TLR5: variants seen among roughly 807,000 people sequenced by gnomAD.
TLR5 encodes the protein toll-like receptor 5.
For missense variants in TLR5, 944 were observed against 999.8 expected (o/e 0.94, Z 0.75); for synonymous variants, 373 against 384.4 (o/e 0.97, Z 0.35).
At position 223,112,485 on chromosome 1, in the gene TLR5, A is replaced by G. The variant is rs781262989; in HGVS notation, c.547T>C (p.Phe183Leu). 5 of 1,614,278 alleles carry G rather than the reference A, an allele frequency of 3.1e-6. No homozygotes were observed. In the South Asian group the frequency reaches 5.5e-5, roughly 18 times the overall value. Residue 183 changes from phenylalanine to leucine, a missense_variant, in exon 6 of 6, where the codon TTC becomes CTC. Physicochemically the swap from Phe to Leu is conservative, Grantham distance 22. Coordinates refer to ENST00000642603, the MANE Select transcript of TLR5 (RefSeq NM_003268.6). ...TCGAGCTCATGTTCACATACAAGGA[A>G]TATTTGGTTGGAGGAAAAATCTATG... Reference protein sequence around the residue: ...KSIDFSSNQIFLVCEHELEPL... With the variant: ...KSIDFSSNQILLVCEHELEPL...
At chr1:223,133,494 G>T (rs1657473916) in intron 4 of TLR5, among the ~76,000 whole-genome samples, 1 of 152,148 alleles carries the variant, frequency 6.6e-6, no homozygotes, top group East Asian at 1.9e-4. Context: ...GCTGCTGCTG[G>T]TCCACTGACC....
chr1:223,138,631 T>C (rs1246543120), intron 2 of TLR5, among the ~76,000 whole-genome samples: 1 of 152,174 alleles, frequency 6.6e-6, no homozygotes, highest in Non-Finnish European at 1.5e-5. Context: ...TCAATATGTC[T>C]CAAAGTGACT....
intron 3 of TLR5, among the ~76,000 whole-genome samples, chr1:223,135,595 C>T (rs1213957427): frequency 5.3e-5 from 8 of 152,168 alleles, no homozygotes; most frequent in Non-Finnish European, 1.0e-4. Context: ...ATATGTATAA[C>T]GGTGAGTTTG....
At position 223,110,072 on chromosome 1, in the gene TLR5, C is replaced by T; in HGVS notation, c.*383G>A. On this transcript the variant is annotated 3_prime_UTR_variant, in exon 6 of 6. Coordinates refer to ENST00000642603, the MANE Select transcript of TLR5 (RefSeq NM_003268.6). ...TTGCAGAACACAGAGAACGCAGAAT[C>T]ATGGACCATCCCATTTTTTAGCTGA... The T allele has an allele frequency of 3.5e-6, 1 of 283,272 alleles. No individual in the cohort carries two copies. The highest frequency in any genetic ancestry group is 6.7e-6 in the Non-Finnish European group (1 of 149,284). 17.5% of individuals were successfully genotyped at this position (283,272 alleles called of 1,614,324 possible).
At chr1:223,135,219 A>G (rs567945997) in intron 3 of TLR5, among the ~76,000 whole-genome samples, 1 of 152,296 alleles carries the variant, frequency 6.6e-6, no homozygotes, top group East Asian at 1.9e-4. Flanking sequence ...ATGCCCTGAG[A>G]GGAAGATGAT....
chr1:223,112,802 A>C lies in TLR5; in HGVS notation c.230T>G (p.Leu77Arg). The C allele has an allele frequency of 6.2e-7, 1 of 1,612,432 alleles. No individual in the cohort carries two copies. Among genetic ancestry groups the C allele is most frequent in the East Asian group, 2.2e-5 (1 of 44,872 alleles). Residue 77 changes from leucine (L) to arginine (R), a missense_variant, in exon 6 of 6, where the codon CTC becomes CGC. Physicochemically the swap from Leu to Arg is moderately radical, Grantham distance 102. Transcript: ENST00000642603. ...AGTCAAGGGGGTATACTGGCTCCCGAGCTCCAGCAGCTGCAGCTGTTCCAG... is the reference window on the plus strand; with the variant it reads ...AGTCAAGGGGGTATACTGGCTCCCGCGCTCCAGCAGCTGCAGCTGTTCCAG... ...PFLEQLQLLE[L>R]GSQYTPLTID...
intron 5 of TLR5, among the ~76,000 whole-genome samples, chr1:223,116,534 G>T (rs374177128): frequency 6.6e-6 from 1 of 152,108 alleles, no homozygotes; most frequent in African/African-American, 2.4e-5. Flanking sequence ...AAGAGCGAGC[G>T]GCAGCAAGAT....
At chr1:223,119,861 A>T (rs1055118578) in intron 5 of TLR5, among the ~76,000 whole-genome samples, 4 of 150,648 alleles carry the variant, frequency 2.7e-5, no homozygotes, top group Non-Finnish European at 5.9e-5. Flanking sequence ...GAAGCATGAG[A>T]ATCACTTGAA....
At chr1:223,113,737 G>A (rs565077379) in intron 5 of TLR5, among the ~76,000 whole-genome samples, 1 of 152,260 alleles carries the variant, frequency 6.6e-6, no homozygotes, top group Admixed American at 6.5e-5. Context: ...TGGGATTACA[G>A]GCATGAGCCA....
At chr1:223,115,575 G>T (rs1412961401) in intron 5 of TLR5, among the ~76,000 whole-genome samples, 1 of 152,198 alleles carries the variant, frequency 6.6e-6, no homozygotes, top group Non-Finnish European at 1.5e-5. Context: ...AGGAGCTGGA[G>T]ATACAGCTGT....
At position 223,112,598 on chromosome 1, in the gene TLR5, T is replaced by C. The variant is rs768301134; in HGVS notation, c.434A>G (p.Lys145Arg). The C allele has an allele frequency of 3.7e-6, 6 of 1,614,094 alleles. No homozygotes were observed. The South Asian group carries it at 5.5e-5, about 15-fold the overall frequency. ...VLKDGYFRNL[K>R]ALTRLDLSKN... is the part of the protein sequence containing the mutation. The stretch of plus-strand genomic sequence containing the variant: ...GGATAGATCCAAGCGAGTTAAAGCC[T>C]TTAAATTTCTGAAATAACCATCTTT... Residue 145 changes from lysine (K) to arginine (R), a missense_variant, in exon 6 of 6, where the codon AAG becomes AGG. By Grantham distance (26) the Lys-to-Arg change is conservative (BLOSUM62 2). Transcript: ENST00000642603.
In TLR5 at chr1:223,131,569, G is replaced by GT. The variant is rs762602761; in HGVS notation, c.-5+905dup. On this transcript the variant is annotated intron_variant, in intron 5 of 5. Transcript: ENST00000642603. The surrounding 1 kb of genome is among the most constrained non-coding windows in gnomAD (Gnocchi z 4.2). ...CTTCTATGTGCACTAGTTTGTTTTT[G>GT]TTTTTTTGTTTTGCGGCAAGATCTC... 1.1e-4 allele frequency among the ~76,000 whole-genome samples: 16 copies of GT among 152,066 alleles called. No homozygotes were observed. Among genetic ancestry groups the GT allele is most frequent in the Non-Finnish European group, 1.5e-4 (10 of 67,988 alleles).
chr1:223,142,542 C>T (rs980917427), intron 1 of TLR5, among the ~76,000 whole-genome samples: 2 of 152,212 alleles, frequency 1.3e-5, no homozygotes, highest in African/African-American at 4.8e-5. Flanking sequence ...CAGACCCACC[C>T]TCGCCCCTTA....
chr1:223,115,407 G>A (rs1406558399), intron 5 of TLR5, among the ~76,000 whole-genome samples: 2 of 152,134 alleles, frequency 1.3e-5, no homozygotes, highest in African/African-American at 2.4e-5. Flanking sequence ...GTGCCAGCAC[G>A]CCCAGCTAAT....
At chr1:223,120,231 T>C (rs913678688) in intron 5 of TLR5, among the ~76,000 whole-genome samples, 5 of 152,116 alleles carry the variant, frequency 3.3e-5, no homozygotes, top group Non-Finnish European at 5.9e-5. Flanking sequence ...TTAGTTCTCA[T>C]GAAAGAGACA....
chr1:223,119,103 CAAAAG>C (rs750225999), intron 5 of TLR5, among the ~76,000 whole-genome samples: 17 of 151,914 alleles, frequency 1.1e-4, no homozygotes, highest in East Asian at 3.9e-4. Context: ...GACTCCATCT[CAAAAG>C]AAAAGAAAAG....
intron 5 of TLR5, among the ~76,000 whole-genome samples, chr1:223,114,495 A>G (rs1198313055): frequency 6.6e-6 from 1 of 152,226 alleles, no homozygotes. Context: ...AATGGTTTAT[A>G]AAGAGCATGA....
chr1:223,123,048 G>A (rs1287835290), intron 5 of TLR5, among the ~76,000 whole-genome samples: 3 of 152,164 alleles, frequency 2.0e-5, no homozygotes, highest in Non-Finnish European at 2.9e-5. Flanking sequence ...CAGAAATGAG[G>A]ATTTTAAGTG....
chr1:223,135,053 TG>T (rs1337195653), intron 3 of TLR5, among the ~76,000 whole-genome samples, 189 bp from the exon 4 acceptor site: 2 of 152,048 alleles, frequency 1.3e-5, no homozygotes, highest in African/African-American at 4.8e-5. Flanking sequence ...GAGAGGGATG[TG>T]TAGTCTGTGC....
Sources: allele counts gnomAD v4.1 joint callset (sites outside exome capture counted in the v4.1 genomes callset), GRCh38; gene constraint gnomAD v4.1.1; non-coding constraint Gnocchi (gnomAD v3.1); transcripts MANE v1.5; gene names NCBI Gene and HGNC (gene_info 2026-07-23, HGNC 2026-07-21).